The following ANKS1B variants were observed in gnomAD, a reference collection of about 807,000 sequenced individuals.
The protein encoded by ANKS1B is ankyrin repeat and sterile alpha motif domain containing 1B.
In ANKS1B, 36 loss-of-function variants were observed where a neutral mutation model predicts 148.3. The observed-to-expected ratio is 0.24, with a 90% CI of 0.19 to 0.32. The LOEUF is 0.32. ANKS1B is among the 10% of genes least tolerant of loss of function. The pLI is 1.00. For synonymous variants in ANKS1B, 542 were observed against 560.8 expected, an observed-to-expected ratio of 0.97 and a Z score of 0.47; for missense variants, 1,157 against 1,542.6, an observed-to-expected ratio of 0.75 and a Z score of 4.19.
intron 14 of ANKS1B, among the ~76,000 whole-genome samples, chr12:99,169,602 C>T (rs1262026011): frequency 2.0e-5 from 3 of 152,120 alleles, no homozygotes; most frequent in Non-Finnish European, 2.9e-5. Context: ...TTATTGGGCA[C>T]CTACTATGGG....
chr12:98,940,790 AG>A (rs2099835516), intron 17 of ANKS1B, among the ~76,000 whole-genome samples: 1 of 152,218 alleles, frequency 6.6e-6, no homozygotes, highest in Non-Finnish European at 1.5e-5. Context: ...GAAATAACCT[AG>A]AGTCTAGCAA....
At chr12:99,157,197 A>G (rs1301176389) in intron 14 of ANKS1B, among the ~76,000 whole-genome samples, 1 of 152,236 alleles carries the variant, frequency 6.6e-6, no homozygotes, top group Non-Finnish European at 1.5e-5. Context: ...GAAGCTAAAA[A>G]CAAGATACTA....
chr12:99,108,993 G>A (rs1241355727), intron 15 of ANKS1B, among the ~76,000 whole-genome samples: 3 of 152,126 alleles, frequency 2.0e-5, no homozygotes, highest in South Asian at 4.2e-4. Context: ...AGCTGTCATC[G>A]AGCAGCAAAT....
chr12:99,663,373 A>G (rs1395180331), intron 8 of ANKS1B, among the ~76,000 whole-genome samples: 1 of 152,092 alleles, frequency 6.6e-6, no homozygotes, highest in Non-Finnish European at 1.5e-5. Flanking sequence ...CCCTACTGTT[A>G]AATACGTTTC....
At chr12:98,902,365 C>G (rs78466591) in intron 17 of ANKS1B, among the ~76,000 whole-genome samples, 2,992 of 152,322 alleles carry the variant, frequency 0.02, 109 homozygotes, top group African/African-American at 0.069. Flanking sequence ...ACAGTCAACA[C>G]TTACAGCAAC....
chr12:99,109,366 T>C (rs1040217004), intron 15 of ANKS1B, among the ~76,000 whole-genome samples: 1 of 152,140 alleles, frequency 6.6e-6, no homozygotes, highest in Non-Finnish European at 1.5e-5. Context: ...TGGGCTTTCA[T>C]TACGTGCCAG....
intron 12 of ANKS1B, among the ~76,000 whole-genome samples, chr12:99,304,471 T>G (rs537709260): frequency 6.6e-6 from 1 of 152,244 alleles, no homozygotes; most frequent in South Asian, 2.1e-4. Context: ...CCTTTCCCCC[T>G]TCTACCGTTT....
At chr12:98,760,668 A>G (rs575638064) in intron 25 of ANKS1B, among the ~76,000 whole-genome samples, 2 of 152,296 alleles carry the variant, frequency 1.3e-5, no homozygotes, top group South Asian at 2.1e-4. Flanking sequence ...CAGTTTTCAT[A>G]CTGGATGCCA....
intron 14 of ANKS1B, among the ~76,000 whole-genome samples, chr12:99,182,159 A>G (rs2079191391): frequency 6.6e-6 from 1 of 152,158 alleles, no homozygotes; most frequent in Non-Finnish European, 1.5e-5. Flanking sequence ...ATATGGTGGC[A>G]GGGCGTAGGG....
chr12:99,606,932 C>A lies in ANKS1B; in HGVS notation c.1272+48135G>T, dbSNP rs371614845. ...ACACAGATACCCTCCCCATTGTTCA[C>A]CCCAGCCATCCTGGGTCCTAAACAT... On this transcript the variant is annotated intron_variant, in intron 9 of 26. Coordinates refer to ENST00000683438, the MANE Select transcript of ANKS1B (RefSeq NM_001352186.2). Among the ~76,000 whole-genome samples, 8 of 152,182 alleles carry A rather than the reference C, an allele frequency of 5.3e-5. No homozygotes were observed. The East Asian group carries it at 1.2e-3, about 22-fold the overall frequency.
chr12:99,540,011 G>T (rs79741878), intron 9 of ANKS1B, among the ~76,000 whole-genome samples: 1 of 151,988 alleles, frequency 6.6e-6, no homozygotes, highest in Non-Finnish European at 1.5e-5. Flanking sequence ...TAACTTCAGT[G>T]ACTATACTAA....
intron 12 of ANKS1B, among the ~76,000 whole-genome samples, chr12:99,374,400 T>C (rs765609539): frequency 6.6e-6 from 1 of 152,144 alleles, no homozygotes; most frequent in Non-Finnish European, 1.5e-5. Flanking sequence ...AACTGGTGTG[T>C]CTACAGGGTC....
chr12:99,466,533 G>C (rs2152883934), intron 10 of ANKS1B, among the ~76,000 whole-genome samples: 1 of 151,578 alleles, frequency 6.6e-6, no homozygotes, highest in East Asian at 1.9e-4. Flanking sequence ...AAAATTGATA[G>C]ACCGCTAGCA....
chr12:98,965,886 C>T (rs994521700), intron 17 of ANKS1B, among the ~76,000 whole-genome samples: 20 of 152,140 alleles, frequency 1.3e-4, no homozygotes, highest in African/African-American at 2.7e-4. Flanking sequence ...ACACCTCATA[C>T]GAAAATTAAT....
chr12:98,894,003 G>C (rs1354532129), intron 17 of ANKS1B, among the ~76,000 whole-genome samples: 1 of 152,194 alleles, frequency 6.6e-6, no homozygotes, highest in Non-Finnish European at 1.5e-5. Flanking sequence ...AATTTCGCTG[G>C]AAACACTGAC....
chr12:99,113,075 A>G (rs1392930038), intron 15 of ANKS1B, among the ~76,000 whole-genome samples: 1 of 152,236 alleles, frequency 6.6e-6, no homozygotes, highest in Non-Finnish European at 1.5e-5. Context: ...TTTAAAATGT[A>G]TCTTGAGAAT....
At chr12:98,978,480 C>CTGTGTG (rs960163192) in intron 17 of ANKS1B, among the ~76,000 whole-genome samples, 2 of 151,798 alleles carry the variant, frequency 1.3e-5, no homozygotes, top group South Asian at 4.2e-4. Context: ...TATGTGCAAA[C>CTGTGTG]TGTGTGTGTG....
chr12:98,988,501 T>C (rs2099924730), intron 17 of ANKS1B, among the ~76,000 whole-genome samples: 1 of 152,172 alleles, frequency 6.6e-6, no homozygotes, highest in African/African-American at 2.4e-5. Flanking sequence ...TATCCATTCA[T>C]CCATGATGAA....
intron 8 of ANKS1B, among the ~76,000 whole-genome samples, chr12:99,737,357 A>G (rs916752815): frequency 5.3e-5 from 8 of 152,192 alleles, no homozygotes; most frequent in Non-Finnish European, 1.2e-4. Context: ...TGTTGTCCAT[A>G]AACAATGAGA....
Sources: allele counts gnomAD v4.1 joint callset (sites outside exome capture counted in the v4.1 genomes callset), GRCh38; gene constraint gnomAD v4.1.1; transcripts MANE v1.5; gene names NCBI Gene and HGNC (gene_info 2026-07-23, HGNC 2026-07-21).